COL19A1: variants seen among roughly 807,000 people sequenced by gnomAD.
COL19A1 encodes the protein collagen alpha-1(XIX) chain.
A neutral mutation model predicts 190.2 loss-of-function variants in COL19A1; 159 were observed. That is an observed-to-expected ratio of 0.84 (90% CI 0.73 to 0.95). COL19A1 has a LOEUF of 0.95. COL19A1 is among the 40% of genes least tolerant of loss of function. The pLI is 0.00. For synonymous variants in COL19A1, 509 were observed against 458.9 expected, an observed-to-expected ratio of 1.11 and a Z score of -1.39; for missense variants, 1,418 against 1,431.9, an observed-to-expected ratio of 0.99 and a Z score of 0.16.
At chr6:69,894,197 A>C (rs1360379392) in intron 2 of COL19A1, among the ~76,000 whole-genome samples, 1 of 152,202 alleles carries the variant, frequency 6.6e-6, no homozygotes, top group African/African-American at 2.4e-5. Flanking sequence ...TTTCATCGAC[A>C]GTAGTTTCAA....
chr6:69,941,968 G>A (rs922453708), intron 9 of COL19A1, among the ~76,000 whole-genome samples: 1 of 152,076 alleles, frequency 6.6e-6, no homozygotes, highest in Non-Finnish European at 1.5e-5. Flanking sequence ...AGGATTACAG[G>A]TGTGAGCCAC....
At chr6:69,899,633 C>T (rs1344074465) in intron 3 of COL19A1, among the ~76,000 whole-genome samples, 2 of 152,022 alleles carry the variant, frequency 1.3e-5, no homozygotes, top group African/African-American at 2.4e-5. Context: ...AAGATGTCAC[C>T]ACCCAGATAA....
At chr6:70,080,123 A>T (rs550212544) in intron 15 of COL19A1, among the ~76,000 whole-genome samples, 51 of 152,328 alleles carry the variant, frequency 3.3e-4, no homozygotes, top group Non-Finnish European at 7.2e-4. Flanking sequence ...GCATATTCAC[A>T]TTGCATATGC....
At chr6:70,102,328 C>T in intron 16 of COL19A1, 106 bp downstream of exon 16, 1 of 867,060 alleles carries the variant, frequency 1.2e-6, no homozygotes, top group Non-Finnish European at 1.9e-6. Flanking sequence ...TTCCTTTATT[C>T]TACTGTTTAG....
intron 4 of COL19A1, among the ~76,000 whole-genome samples, chr6:69,909,303 A>G (rs184656543): frequency 6.6e-6 from 1 of 152,300 alleles, no homozygotes; most frequent in East Asian, 1.9e-4. Flanking sequence ...AGAAAGAGGT[A>G]TAAGATACGG....
At chr6:70,061,261 T>C (rs1780812874) in intron 14 of COL19A1, among the ~76,000 whole-genome samples, 1 of 152,186 alleles carries the variant, frequency 6.6e-6, no homozygotes, top group African/African-American at 2.4e-5. Context: ...TCAACTAATG[T>C]TCAATACTCT....
intron 11 of COL19A1, among the ~76,000 whole-genome samples, chr6:69,985,011 G>T (rs1315158761): frequency 2.0e-5 from 3 of 152,128 alleles, no homozygotes; most frequent in Non-Finnish European, 4.4e-5. Flanking sequence ...AAAAACATTA[G>T]GTTTAATTTG....
chr6:69,954,585 G>T (rs1055377148), intron 9 of COL19A1, among the ~76,000 whole-genome samples: 2 of 151,996 alleles, frequency 1.3e-5, no homozygotes, highest in Non-Finnish European at 2.9e-5. Context: ...AAGTTTACAG[G>T]TATTGCTTCC....
intron 46 of COL19A1, among the ~76,000 whole-genome samples, chr6:70,187,293 G>A (rs1289585797): frequency 1.3e-5 from 2 of 152,020 alleles, no homozygotes; most frequent in African/African-American, 2.4e-5. Context: ...ACCATCCCGT[G>A]GGTATATATT....
At chr6:69,978,887 G>GA (rs562884481) in intron 11 of COL19A1, among the ~76,000 whole-genome samples, 196 of 149,316 alleles carry the variant, frequency 1.3e-3, no homozygotes, top group African/African-American at 4.3e-3. Flanking sequence ...CTAGAAATAA[G>GA]AAAAAAAAAT....
chr6:70,021,862 A>G (rs971158275), intron 11 of COL19A1, among the ~76,000 whole-genome samples: 1 of 152,208 alleles, frequency 6.6e-6, no homozygotes, highest in Admixed American at 6.5e-5. Context: ...GCACAATTCT[A>G]TAGAGTAATT....
intron 44 of COL19A1, among the ~76,000 whole-genome samples, chr6:70,183,574 C>G (rs1427548247): frequency 6.6e-6 from 1 of 152,190 alleles, no homozygotes; most frequent in Non-Finnish European, 1.5e-5. Context: ...TCCTAATCAG[C>G]TTTATCCTTG....
intron 11 of COL19A1, among the ~76,000 whole-genome samples, chr6:70,021,348 C>T (rs1274675608): frequency 6.7e-6 from 1 of 150,184 alleles, no homozygotes; most frequent in Non-Finnish European, 1.5e-5. Flanking sequence ...TTGCAGATTT[C>T]CTTGTACACA....
At chr6:70,174,829 A>G (rs1321431096) in intron 41 of COL19A1, among the ~76,000 whole-genome samples, 1 of 152,170 alleles carries the variant, frequency 6.6e-6, no homozygotes, top group African/African-American at 2.4e-5. Context: ...TGTACCATCA[A>G]TGGATTAGGG....
At chr6:70,032,573 A>G (rs908194734) in intron 12 of COL19A1, among the ~76,000 whole-genome samples, 9 of 152,196 alleles carry the variant, frequency 5.9e-5, no homozygotes, top group Non-Finnish European at 1.2e-4. Flanking sequence ...ATTTAATGCA[A>G]TATATCCAAC....
At chr6:70,038,524 G>A (rs1779472710) in intron 14 of COL19A1, among the ~76,000 whole-genome samples, 1 of 152,142 alleles carries the variant, frequency 6.6e-6, no homozygotes, top group African/African-American at 2.4e-5. Context: ...CGTTAGGGAG[G>A]CATACTAGTA....
chr6:70,126,872 T>C (rs1286192350), intron 17 of COL19A1, among the ~76,000 whole-genome samples: 1 of 152,212 alleles, frequency 6.6e-6, no homozygotes, highest in Non-Finnish European at 1.5e-5. Flanking sequence ...ACTATAGCAA[T>C]AGTGATCTGA....
chr6:70,149,964 G>T, intron 29 of COL19A1, 28 bp from the exon 30 acceptor site: 11 of 1,613,796 alleles, frequency 6.8e-6, no homozygotes, highest in Non-Finnish European at 8.5e-6. Flanking sequence ...CACGTGCAAA[G>T]ATTGAACATG....
At chr6:70,146,996 C>A (rs943749107) in intron 27 of COL19A1, 107 bp downstream of exon 27, 1 of 907,114 alleles carries the variant, frequency 1.1e-6, no homozygotes, top group Non-Finnish European at 1.6e-6. Context: ...GACGGAAATA[C>A]AAATAAACAC....
Sources: gnomAD v4.1 joint callset for allele counts (sites outside exome capture counted in the v4.1 genomes callset) on GRCh38, gnomAD v4.1.1 for gene constraint, MANE v1.5 for transcripts, NCBI Gene and HGNC (gene_info 2026-07-23, HGNC 2026-07-21) for gene names.